PDZRN3: variants seen among roughly 807,000 people sequenced by gnomAD.
PDZRN3 encodes PDZ domain containing ring finger 3.
Under a neutral mutation model 85.7 loss-of-function variants are expected in PDZRN3, and 38 were observed. The ratio of observed to expected loss-of-function variants is 0.44; its 90% confidence interval spans 0.34 to 0.58. The LOEUF is 0.58. Among genes scored for constraint, PDZRN3 ranks in the 20% least tolerant of loss-of-function variants. The pLI is 0.01. For missense variants in PDZRN3, 1,629 were observed against 1,506.4 expected (o/e 1.08, Z -1.35); for synonymous variants, 759 against 638.0 (o/e 1.19, Z -2.86).
intron 3 of PDZRN3, among the ~76,000 whole-genome samples, chr3:73,471,249 G>C (rs1367772413): frequency 1.3e-5 from 2 of 152,026 alleles, no homozygotes; most frequent in African/African-American, 4.8e-5. Context: ...GCCCAGGAAC[G>C]CCAAAGCTTG....
At chr3:73,597,023 T>A (rs191737821) in intron 3 of PDZRN3, among the ~76,000 whole-genome samples, 28 of 152,336 alleles carry the variant, frequency 1.8e-4, no homozygotes, top group Admixed American at 1.4e-3. Context: ...TTGGGGAATC[T>A]GGGTTAACGG....
chr3:73,441,371 C>A lies in PDZRN3; in HGVS notation c.919-36976G>T, dbSNP rs1702631888. ...GAGGTTGCTGTGAGCTGAGGTCGCACCACTACACTTCAGTCTGGTGACATA... is the reference window on the plus strand; with the variant it reads ...GAGGTTGCTGTGAGCTGAGGTCGCAACACTACACTTCAGTCTGGTGACATA... On this transcript the variant is annotated intron_variant, in intron 3 of 9. Transcript: ENST00000263666. Among the ~76,000 whole-genome samples, 6 of 129,790 alleles carry A rather than the reference C, an allele frequency of 4.6e-5. No homozygotes were observed. The South Asian group carries it at 1.6e-3, about 34-fold the overall frequency. The allele number at this position is 129,790 out of a possible 152,430, so 85.1% of individuals were successfully genotyped here.
intron 3 of PDZRN3, among the ~76,000 whole-genome samples, chr3:73,563,009 A>AT (rs1701862401): frequency 5.0e-5 from 2 of 39,678 alleles, no homozygotes; most frequent in African/African-American, 1.1e-4. Flanking sequence ...ATATATATAT[A>AT]TATATTTTTT....
intron 3 of PDZRN3, among the ~76,000 whole-genome samples, chr3:73,594,167 A>C (rs998280330): frequency 6.6e-6 from 1 of 152,218 alleles, no homozygotes; most frequent in African/African-American, 2.4e-5. Context: ...AGCTATGCAC[A>C]GTCATTAGAA....
At chr3:73,601,172 G>C (rs1302540192) in intron 3 of PDZRN3, among the ~76,000 whole-genome samples, 1 of 152,190 alleles carries the variant, frequency 6.6e-6, no homozygotes, top group East Asian at 1.9e-4. Flanking sequence ...GTTGCAGAAT[G>C]TGTCCAGATG....
At chr3:73,538,807 C>T (rs564215094) in intron 3 of PDZRN3, among the ~76,000 whole-genome samples, 2 of 152,136 alleles carry the variant, frequency 1.3e-5, no homozygotes, top group South Asian at 4.1e-4. Flanking sequence ...GTAATTACAG[C>T]CTCATGGCAG....
At chr3:73,500,805 T>C (rs1477995104) in intron 3 of PDZRN3, among the ~76,000 whole-genome samples, 2 of 152,190 alleles carry the variant, frequency 1.3e-5, no homozygotes, top group Non-Finnish European at 2.9e-5. Context: ...CCTCTTTTTC[T>C]CTCCAAAGCC....
At chr3:73,555,096 T>G (rs1317637874) in intron 3 of PDZRN3, among the ~76,000 whole-genome samples, 1 of 152,118 alleles carries the variant, frequency 6.6e-6, no homozygotes, top group Admixed American at 6.5e-5. Flanking sequence ...TCAGAGGCAA[T>G]TAGGGGATTT....
At chr3:73,392,498 A>G (rs933960597) in intron 5 of PDZRN3, among the ~76,000 whole-genome samples, 9 of 152,180 alleles carry the variant, frequency 5.9e-5, no homozygotes, top group Non-Finnish European at 8.8e-5. Context: ...GCTTGTTATT[A>G]TATCTAAGGT....
At chr3:73,466,165 T>G (rs1703208482) in intron 3 of PDZRN3, among the ~76,000 whole-genome samples, 2 of 152,182 alleles carry the variant, frequency 1.3e-5, no homozygotes, top group African/African-American at 2.4e-5. Flanking sequence ...CAGTTCCATT[T>G]TCCCCTACTA....
intron 3 of PDZRN3, among the ~76,000 whole-genome samples, chr3:73,436,833 G>C (rs889080380): frequency 6.6e-6 from 1 of 152,002 alleles, no homozygotes. Context: ...GGATCATGAG[G>C]TCAGGAGATG....
At chr3:73,589,751 T>C (rs1265869097) in intron 3 of PDZRN3, among the ~76,000 whole-genome samples, 2 of 152,192 alleles carry the variant, frequency 1.3e-5, no homozygotes, top group African/African-American at 4.8e-5. Flanking sequence ...AAACACAGAC[T>C]ATATACAAAA....
chr3:73,577,566 C>T (rs1702142739), intron 3 of PDZRN3, among the ~76,000 whole-genome samples: 1 of 152,108 alleles, frequency 6.6e-6, no homozygotes, highest in African/African-American at 2.4e-5. Context: ...TGGGACCAGT[C>T]AATGGGGCAC....
At chr3:73,421,744 T>G (rs1702207499) in intron 3 of PDZRN3, among the ~76,000 whole-genome samples, 1 of 152,126 alleles carries the variant, frequency 6.6e-6, no homozygotes, top group Non-Finnish European at 1.5e-5. Context: ...GCCTCCCAGG[T>G]TCAAGCGATT....
intron 5 of PDZRN3, among the ~76,000 whole-genome samples, chr3:73,392,613 C>G (rs1326624669): frequency 6.6e-6 from 1 of 152,176 alleles, no homozygotes; most frequent in Non-Finnish European, 1.5e-5. Flanking sequence ...CCACGGTCAC[C>G]AGTAGTATAA....
intron 3 of PDZRN3, among the ~76,000 whole-genome samples, chr3:73,579,745 C>G (rs1702171375): frequency 6.6e-6 from 1 of 152,118 alleles, no homozygotes; most frequent in Non-Finnish European, 1.5e-5. Context: ...AATAAGGGTG[C>G]AACTGAGAGG....
chr3:73,408,200 C>T (rs948428875), intron 3 of PDZRN3: 5 of 703,000 alleles, frequency 7.1e-6, no homozygotes, highest in Admixed American at 2.0e-5. Flanking sequence ...ATGAAGCCAG[C>T]GTTGGAATCC....
intron 1 of PDZRN3, among the ~76,000 whole-genome samples, chr3:73,609,000 G>A (rs773629228): frequency 1.3e-5 from 2 of 152,054 alleles, no homozygotes; most frequent in Admixed American, 6.6e-5. Flanking sequence ...TCTTTTGACC[G>A]GCCCATCGTA....
intron 3 of PDZRN3, among the ~76,000 whole-genome samples, chr3:73,497,777 C>G (rs186525863): frequency 1.3e-5 from 2 of 151,974 alleles, no homozygotes; most frequent in Non-Finnish European, 2.9e-5. Context: ...GGAAAGAAAA[C>G]TCATTTAGGG....
Sources: allele counts gnomAD v4.1 joint callset (sites outside exome capture counted in the v4.1 genomes callset), GRCh38; gene constraint gnomAD v4.1.1; transcripts MANE v1.5; gene names NCBI Gene and HGNC (gene_info 2026-07-23, HGNC 2026-07-21).